Variants in DCAF6 observed in about 807,000 individuals in gnomAD.
DCAF6 encodes the protein DDB1 and CUL4 associated factor 6.
Under a neutral mutation model 125.1 loss-of-function variants are expected in DCAF6, and 54 were observed. The observed-to-expected ratio is 0.43, with a 90% CI of 0.35 to 0.54. DCAF6 has a LOEUF of 0.54. Ranked by LOEUF, DCAF6 falls within the 20% of genes least tolerant of loss-of-function variation. DCAF6 has a pLI of 0.01. For missense variants in DCAF6, 934 were observed against 1,161.7 expected, an observed-to-expected ratio of 0.80 and a Z score of 2.85; for synonymous variants, 371 against 390.4, an observed-to-expected ratio of 0.95 and a Z score of 0.58.
intron 13 of DCAF6, among the ~76,000 whole-genome samples, chr1:168,041,949 A>T (rs1688596774): frequency 6.6e-6 from 1 of 150,734 alleles, no homozygotes; most frequent in African/African-American, 2.4e-5. Flanking sequence ...CAGTATAAAA[A>T]ATTTACCTGC....
At chr1:168,033,489 G>T (rs189999502) in intron 12 of DCAF6, among the ~76,000 whole-genome samples, 1,703 of 151,732 alleles carry the variant, frequency 0.011, 29 homozygotes, top group African/African-American at 0.037. Context: ...CTAATTTTTT[G>T]TATTTTTTTA....
chr1:167,949,397 C>T (rs1673584101), intron 1 of DCAF6, among the ~76,000 whole-genome samples: 1 of 152,194 alleles, frequency 6.6e-6, no homozygotes. Flanking sequence ...TTGCACCCAA[C>T]ACTGGAGTAC....
chr1:167,984,566 T>C (rs1679668885), intron 4 of DCAF6, among the ~76,000 whole-genome samples: 1 of 152,172 alleles, frequency 6.6e-6, no homozygotes, highest in African/African-American at 2.4e-5. Flanking sequence ...TCATCAAAGC[T>C]AAGTCAATAA....
intron 4 of DCAF6, among the ~76,000 whole-genome samples, chr1:167,979,586 T>G (rs1441415422): frequency 6.6e-6 from 1 of 152,230 alleles, no homozygotes; most frequent in African/African-American, 2.4e-5. Context: ...ATACCACATT[T>G]TCTTTATTCA....
chr1:167,996,511 AC>A (rs1425578797), intron 7 of DCAF6, among the ~76,000 whole-genome samples: 1 of 152,040 alleles, frequency 6.6e-6, no homozygotes, highest in East Asian at 1.9e-4. Context: ...TAGCTTTCTA[AC>A]CAGTCTTCCT....
intron 2 of DCAF6, among the ~76,000 whole-genome samples, chr1:167,957,101 A>AT (rs113943976): frequency 1.3e-4 from 19 of 149,964 alleles, no homozygotes; most frequent in African/African-American, 2.7e-4. Flanking sequence ...GTGGACATTT[A>AT]TTTTTTTTTT....
the DCAF6 span, among the ~76,000 whole-genome samples, chr1:167,893,485 G>A: frequency 2.0e-5 from 3 of 151,970 alleles, no homozygotes; most frequent in African/African-American, 7.2e-5. Flanking sequence ...GGGTGAGGCG[G>A]GCAGATTTCT....
At chr1:167,971,639 A>G (rs192129390) in intron 3 of DCAF6, among the ~76,000 whole-genome samples, 57 of 152,334 alleles carry the variant, frequency 3.7e-4, no homozygotes, top group African/African-American at 1.2e-3. Flanking sequence ...ATAAACTGGT[A>G]ATCAGCAGAA....
chr1:168,009,244 C>T (rs1434897670), intron 10 of DCAF6, among the ~76,000 whole-genome samples: 1 of 151,872 alleles, frequency 6.6e-6, no homozygotes, highest in Non-Finnish European at 1.5e-5. Context: ...GTGATCCGCC[C>T]TCCTCGGCCT....
intron 12 of DCAF6, among the ~76,000 whole-genome samples, chr1:168,035,935 G>A (rs796281588): frequency 2.6e-5 from 4 of 152,166 alleles, no homozygotes; most frequent in African/African-American, 9.6e-5. Context: ...GGTGGTGGGT[G>A]CCTATAACCC....
At chr1:167,918,285 T>G in the DCAF6 span, 4 of 1,509,316 alleles carry the variant, frequency 2.7e-6, no homozygotes, top group Non-Finnish European at 3.6e-6. Flanking sequence ...CCAATGGTTT[T>G]GTCCACATCT....
intron 10 of DCAF6, among the ~76,000 whole-genome samples, 155 bp from the exon 11 acceptor site, chr1:168,015,626 T>C (rs1437794572): frequency 3.3e-5 from 5 of 152,226 alleles, no homozygotes; most frequent in African/African-American, 1.2e-4. Context: ...CATAATTTAA[T>C]GACCAGTAAT....
chr1:167,868,030 C>T, the DCAF6 span, among the ~76,000 whole-genome samples: 1 of 151,856 alleles, frequency 6.6e-6, no homozygotes, highest in South Asian at 2.1e-4. Context: ...CTCTGGGCGT[C>T]GATAAAAAAG....
At chr1:167,964,779 A>C (rs758308188) in intron 2 of DCAF6, among the ~76,000 whole-genome samples, 1 of 151,902 alleles carries the variant, frequency 6.6e-6, no homozygotes. Flanking sequence ...GTTTTTATTG[A>C]TATATCCTCA....
chr1:167,976,854 A>G (rs1161498119), intron 4 of DCAF6, among the ~76,000 whole-genome samples: 1 of 104,600 alleles, frequency 9.6e-6, no homozygotes, highest in Non-Finnish European at 2.0e-5. Flanking sequence ...TCCATGTTGT[A>G]TCATTTTGTA....
chr1:167,888,976 GT>G, the DCAF6 span, among the ~76,000 whole-genome samples: 1 of 152,096 alleles, frequency 6.6e-6, no homozygotes, highest in East Asian at 1.9e-4. Context: ...AGTTCTAATG[GT>G]TTTTTGGTGG....
intron 2 of DCAF6, among the ~76,000 whole-genome samples, chr1:167,960,290 A>AT (rs758899349): frequency 9.9e-5 from 15 of 151,346 alleles, no homozygotes; most frequent in Non-Finnish European, 1.8e-4. Context: ...AATTTTTATT[A>AT]TTATTTATTT....
At chr1:167,971,623 G>A (rs1677318809) in intron 3 of DCAF6, among the ~76,000 whole-genome samples, 1 of 152,168 alleles carries the variant, frequency 6.6e-6, no homozygotes, top group South Asian at 2.1e-4. Flanking sequence ...CAGCTATTTA[G>A]TCAAAATAAA....
chr1:167,991,374 T>A (rs762742078), intron 6 of DCAF6, 35 bp downstream of exon 6: 58 of 1,570,154 alleles, frequency 3.7e-5, no homozygotes, highest in Non-Finnish European at 4.6e-5. Flanking sequence ...TATAGGACTG[T>A]CAGTTCAAAG....
Sources: gnomAD v4.1 joint callset for allele counts (sites outside exome capture counted in the v4.1 genomes callset) on GRCh38, gnomAD v4.1.1 for gene constraint, MANE v1.5 for transcripts, NCBI Gene and HGNC (gene_info 2026-07-23, HGNC 2026-07-21) for gene names.